AMN1: variants seen among roughly 807,000 people sequenced by gnomAD.
The protein encoded by AMN1 is antagonist of mitotic exit network 1 homolog.
A neutral mutation model predicts 33.0 loss-of-function variants in AMN1; 20 were observed. The ratio of observed to expected loss-of-function variants is 0.61; its 90% CI spans 0.43 to 0.88. The LOEUF is 0.88. Ranked by LOEUF, AMN1 falls within the 40% of genes least tolerant of loss-of-function variation. The pLI, the probability that AMN1 is intolerant of heterozygous loss-of-function variation, is 0.00. For missense variants in AMN1, 246 were observed against 307.4 expected (o/e 0.80, Z 1.49); for synonymous variants, 114 against 111.9 (o/e 1.02, Z -0.12).
Position 31,672,347 on chromosome 12 carries a change from A to G in AMN1, c.734T>C (p.Val245Ala). ...DHSREVLEQL[V>A]GPNKLKQVTW... ...CACTTGCTTTAGTTTGTTTGGGCCT[A>G]CTAATTGCTCCAACACTTCTCGGGA... The change falls in exon 7 of 7, where the codon GTA becomes GCA. Residue 245 changes from valine to alanine, a missense_variant. Physicochemically the swap from Val to Ala is moderately conservative, Grantham distance 64. Transcript: ENST00000281471. The G allele has an allele frequency of 6.3e-7, 1 of 1,578,836 alleles. No individual in the cohort carries two copies. The highest frequency in any genetic ancestry group is 8.6e-7 in the Non-Finnish European group (1 of 1,160,282).
chr12:31,688,819 T>TTAAAA (rs57472294), intron 6 of AMN1, among the ~76,000 whole-genome samples, 188 bp downstream of exon 6: 23,679 of 151,222 alleles, frequency 0.16, 2,054 homozygotes, highest in Admixed American at 0.23. Context: ...TCCCAAAAAA[T>TTAAAA]TAAAATAAAA....
rs543802488 is a variant in AMN1 at position 31,685,257 on chromosome 12, G to A, written c.703+3750C>T. On this transcript the variant is annotated intron_variant, in intron 6 of 6. Transcript: ENST00000281471. ...TTGGCCAGGTTGGTCTTGAACTCCT[G>A]ACCTCAAGTGGTCTGCCCACCTCAG... 2.6e-5 allele frequency among the ~76,000 whole-genome samples: 4 copies of A among 151,830 alleles called. No homozygotes were observed. In the South Asian group the frequency reaches 8.3e-4, roughly 32 times the overall value.
At chr12:31,712,826 T>C (rs1372976514) in intron 1 of AMN1, among the ~76,000 whole-genome samples, 1 of 152,004 alleles carries the variant, frequency 6.6e-6, no homozygotes, top group Non-Finnish European at 1.5e-5. Context: ...CAGCTAATTT[T>C]TTCTTTTTTA....
chr12:31,707,717 AC>A (rs1939301136), intron 2 of AMN1, among the ~76,000 whole-genome samples: 1 of 151,932 alleles, frequency 6.6e-6, no homozygotes, highest in South Asian at 2.1e-4. Flanking sequence ...CCACCAATAA[AC>A]CTTTTTGCTT....
At chr12:31,719,497 A>G (rs546545239) in intron 1 of AMN1, 1 of 178,256 alleles carries the variant, frequency 5.6e-6, no homozygotes, top group East Asian at 1.9e-4. Flanking sequence ...TGTTATTTGT[A>G]TTGCTCACTG....
At chr12:31,690,955 G>A (rs1265233303) in intron 5 of AMN1, among the ~76,000 whole-genome samples, 1 of 152,020 alleles carries the variant, frequency 6.6e-6, no homozygotes, top group Non-Finnish European at 1.5e-5. Flanking sequence ...CTAACATGGT[G>A]AAACCCCCCG....
At chr12:31,718,062 C>T (rs1592175770) in intron 1 of AMN1, among the ~76,000 whole-genome samples, 1 of 152,126 alleles carries the variant, frequency 6.6e-6, no homozygotes, top group African/African-American at 2.4e-5. Context: ...ACCAATCAAT[C>T]GTAGGTTTGG....
intron 1 of AMN1, 134 bp downstream of exon 1, chr12:31,728,837 A>G: frequency 9.6e-7 from 1 of 1,040,222 alleles, no homozygotes; most frequent in South Asian, 1.8e-5. Flanking sequence ...CCAGGGACAG[A>G]AACACACGCG....
chr12:31,678,418 A>T (rs139696342), intron 6 of AMN1, among the ~76,000 whole-genome samples: 1 of 150,784 alleles, frequency 6.6e-6, no homozygotes, highest in African/African-American at 2.4e-5. Context: ...TTATGTTGAG[A>T]CAGAGTCTCA....
At chr12:31,680,090 T>C (rs1937929461) in intron 6 of AMN1, among the ~76,000 whole-genome samples, 3 of 133,570 alleles carry the variant, frequency 2.2e-5, no homozygotes, top group Non-Finnish European at 3.2e-5. Context: ...ACCACTACAC[T>C]CCAGGCGGCA....
At chr12:31,674,580 G>A (rs1456665318) in intron 6 of AMN1, among the ~76,000 whole-genome samples, 2 of 151,998 alleles carry the variant, frequency 1.3e-5, no homozygotes, top group East Asian at 3.9e-4. Flanking sequence ...AATTCCATTG[G>A]CAACCTTATG....
rs367987918 is a variant in AMN1 at position 31,672,671 on chromosome 12, T to G, written c.704-294A>C. 12 of 268,674 alleles carry G rather than the reference T, an allele frequency of 4.5e-5. 1 individual carries two copies. The highest frequency in any genetic ancestry group is 9.7e-5 in the Admixed American group (2 of 20,644). The allele number at this position is 268,674 out of a possible 1,614,324, so 16.6% of individuals were successfully genotyped here. ...CCACCAACCAGAGTAATGGTCTAAT[T>G]TCACCATTAACCTGTGTTAATGGTT... On this transcript the variant is annotated intron_variant, in intron 6 of 6. Transcript: ENST00000281471.
chr12:31,678,735 T>C (rs1458101540), intron 6 of AMN1, among the ~76,000 whole-genome samples: 1 of 152,186 alleles, frequency 6.6e-6, no homozygotes, highest in African/African-American at 2.4e-5. Flanking sequence ...TTTTTTCAAA[T>C]GTTCAAAGGA....
chr12:31,726,718 T>C (rs1025691028), intron 1 of AMN1, among the ~76,000 whole-genome samples: 3 of 152,218 alleles, frequency 2.0e-5, no homozygotes, highest in African/African-American at 7.2e-5. Context: ...CAGAAATAGC[T>C]TGCTGACCAA....
At chr12:31,720,588 T>C (rs1005489136) in intron 1 of AMN1, among the ~76,000 whole-genome samples, 2 of 151,148 alleles carry the variant, frequency 1.3e-5, no homozygotes, top group Non-Finnish European at 3.0e-5. Flanking sequence ...TTCTCACAAA[T>C]ACCAATTATG....
chr12:31,679,999 G>A (rs909943226), intron 6 of AMN1, among the ~76,000 whole-genome samples: 12 of 150,488 alleles, frequency 8.0e-5, no homozygotes, highest in Admixed American at 4.6e-4. Flanking sequence ...GGTGGCACCC[G>A]CTTGTGATCC....
Position 31,689,054 on chromosome 12 carries a change from C to G in AMN1, c.656G>C (p.Cys219Ser). ...GAAGAGTAATATACGTATTTGAGGACAGTAAGTAAGGACAGCTTCGACAGC... is the reference window on the plus strand; with the variant it reads ...GAAGAGTAATATACGTATTTGAGGAGAGTAAGTAAGGACAGCTTCGACAGC... ...DGAVEAVLTY[C>S]PQIRILLFHG... Residue 219 changes from cysteine to serine, a missense_variant, in exon 6 of 7, where the codon TGT becomes TCT. Coordinates refer to ENST00000281471, the MANE Select transcript of AMN1 (RefSeq NM_001113402.2). 6.2e-7 allele frequency: 1 copy of G among 1,613,474 alleles called. No homozygotes were observed. Among genetic ancestry groups the G allele is most frequent in the Non-Finnish European group, 8.5e-7 (1 of 1,179,692 alleles).
At chr12:31,675,789 G>A (rs566270393) in intron 6 of AMN1, among the ~76,000 whole-genome samples, 3 of 151,840 alleles carry the variant, frequency 2.0e-5, no homozygotes, top group Non-Finnish European at 4.4e-5. Context: ...TTACAGGCGT[G>A]AGCCACCGTT....
intron 1 of AMN1, 30 bp downstream of exon 1, chr12:31,728,941 G>A (rs1279448705): frequency 6.5e-7 from 1 of 1,539,278 alleles, no homozygotes; most frequent in Non-Finnish European, 8.8e-7. Flanking sequence ...CTGGGGCGGC[G>A]CGAAGGGAGG....
Sources: gnomAD v4.1 joint callset for allele counts (sites outside exome capture counted in the v4.1 genomes callset) on GRCh38, gnomAD v4.1.1 for gene constraint, MANE v1.5 for transcripts, NCBI Gene and HGNC (gene_info 2026-07-23, HGNC 2026-07-21) for gene names.